SLCO2A1: variants seen among roughly 807,000 people sequenced by gnomAD.
SLCO2A1 encodes solute carrier organic anion transporter family member 2A1, also known as matrin F/G 1.
A neutral mutation model predicts 71.7 loss-of-function variants in SLCO2A1; 60 were observed. That is an observed-to-expected ratio of 0.84 (90% CI 0.68 to 1.04). The LOEUF is 1.04. Ranked by LOEUF, SLCO2A1 falls within the 50% of genes least tolerant of loss-of-function variation. The probability of loss-of-function intolerance (pLI) is 0.00; values close to 1 mark genes in which losing one functional copy is unlikely to be tolerated. For missense variants in SLCO2A1, 745 were observed against 813.4 expected, an observed-to-expected ratio of 0.92 and a Z score of 1.02; for synonymous variants, 308 against 326.7, an observed-to-expected ratio of 0.94 and a Z score of 0.62.
In SLCO2A1 at chr3:133,973,616, G is replaced by A. The variant is rs769647158; in HGVS notation, c.397+47C>T. On this transcript the variant is annotated intron_variant, in intron 3 of 13. Transcript: ENST00000310926. Reference sequence around the variant, plus strand: ...AGTATCCCCACTAACTTTGTGAGATGTTCACCCATTCCTTACCCCTTGAGG... The same window carrying A: ...AGTATCCCCACTAACTTTGTGAGATATTCACCCATTCCTTACCCCTTGAGG... 1.9e-6 allele frequency: 3 copies of A among 1,599,598 alleles called. No homozygotes were observed. In the East Asian group the frequency reaches 6.7e-5, roughly 36 times the overall value.
At chr3:134,012,341 C>T (rs1935362026) in intron 1 of SLCO2A1, among the ~76,000 whole-genome samples, 1 of 152,154 alleles carries the variant, frequency 6.6e-6, no homozygotes, top group Non-Finnish European at 1.5e-5. Flanking sequence ...GGGGAACACA[C>T]ATGGAAGGGC....
rs562033071 is a variant in SLCO2A1 at position 133,996,960 on chromosome 3, G to A, written c.97-17342C>T. ...CTCTGTCCTATGGGATACTTCCAGA[G>A]AAAGTCCTCCCTAAGTGCTAAGCTC... On this transcript the variant is annotated intron_variant, in intron 1 of 13. Coordinates refer to ENST00000310926, the MANE Select transcript of SLCO2A1 (RefSeq NM_005630.3). 2.1e-4 allele frequency among the ~76,000 whole-genome samples: 32 copies of A among 152,288 alleles called. No individual in the cohort carries two copies. In the South Asian group the frequency reaches 6.6e-3, roughly 32 times the overall value.
intron 3 of SLCO2A1, among the ~76,000 whole-genome samples, chr3:133,958,084 G>A (rs1933938630): frequency 6.6e-6 from 1 of 152,168 alleles, no homozygotes; most frequent in Admixed American, 6.5e-5. Context: ...GGGGCTGTCT[G>A]GCCCACCCTC....
In SLCO2A1 at chr3:133,948,644, G is replaced by A; in HGVS notation, c.997C>T (p.Leu333=). ...LMNSLFVLVV[L]AQCTFSSVIA... ...ACGGAGGAGAAGGTGCACTGGGCCA[G>A]GACCACCAGGACGAAGAGTGAGTTC... Residue 333 remains leucine, a synonymous_variant, in exon 8 of 14, where the codon CTG becomes TTG. Transcript: ENST00000310926. 6.2e-7 allele frequency: 1 copy of A among 1,614,124 alleles called. No homozygotes were observed. The highest frequency in any genetic ancestry group is 1.3e-5 in the African/African-American group (1 of 75,030).
intron 3 of SLCO2A1, among the ~76,000 whole-genome samples, chr3:133,956,869 A>G (rs965902478): frequency 1.3e-5 from 2 of 152,202 alleles, no homozygotes; most frequent in East Asian, 3.9e-4. Context: ...CTGGAAGATG[A>G]TGGCTCTCTC....
intron 1 of SLCO2A1, among the ~76,000 whole-genome samples, chr3:133,985,616 C>T (rs140951121): frequency 1.9e-3 from 284 of 152,222 alleles, no homozygotes; most frequent in African/African-American, 6.3e-3. Flanking sequence ...TTACATCATG[C>T]GTTTGATTTC....
intron 1 of SLCO2A1, among the ~76,000 whole-genome samples, chr3:133,996,735 G>A (rs1934974835): frequency 6.6e-6 from 1 of 152,134 alleles, no homozygotes; most frequent in South Asian, 2.1e-4. Flanking sequence ...GCAGCCCCCT[G>A]AAAACTGCGT....
At chr3:134,006,106 G>A (rs1935209421) in intron 1 of SLCO2A1, among the ~76,000 whole-genome samples, 1 of 152,128 alleles carries the variant, frequency 6.6e-6, no homozygotes. Flanking sequence ...GCCTGGGCTG[G>A]AGTGCAGTGG....
intron 1 of SLCO2A1, among the ~76,000 whole-genome samples, chr3:134,028,883 T>C (rs541916538): frequency 1.1e-4 from 17 of 152,370 alleles, no homozygotes; most frequent in African/African-American, 4.1e-4. Context: ...CAGGTCCTCC[T>C]GGACCTGTGA....
chr3:133,963,858 T>A (rs930506187), intron 3 of SLCO2A1, among the ~76,000 whole-genome samples: 1 of 151,430 alleles, frequency 6.6e-6, no homozygotes, highest in African/African-American at 2.5e-5. Flanking sequence ...ACTCTACAGT[T>A]CCTCCTGAAA....
chr3:134,012,938 C>A (rs571957060), intron 1 of SLCO2A1, among the ~76,000 whole-genome samples: 1 of 152,306 alleles, frequency 6.6e-6, no homozygotes, highest in South Asian at 2.1e-4. Flanking sequence ...TTCCAATTTG[C>A]CCACAACTTT....
At chr3:133,999,425 A>AAGTAT (rs1020739098) in intron 1 of SLCO2A1, among the ~76,000 whole-genome samples, 2 of 152,214 alleles carry the variant, frequency 1.3e-5, no homozygotes, top group African/African-American at 4.8e-5. Context: ...TATGGTAAGC[A>AAGTAT]AGTATTTATT....
intron 3 of SLCO2A1, among the ~76,000 whole-genome samples, chr3:133,965,714 T>C (rs1328163162): frequency 6.6e-6 from 1 of 152,152 alleles, no homozygotes; most frequent in Admixed American, 6.5e-5. Flanking sequence ...CAGATTCAGA[T>C]GTGAGCCTCC....
chr3:133,979,160 C>T (rs1193201546), intron 2 of SLCO2A1, among the ~76,000 whole-genome samples: 1 of 152,234 alleles, frequency 6.6e-6, no homozygotes, highest in Non-Finnish European at 1.5e-5. Context: ...CTGGAGCAAG[C>T]CACTTGTACT....
At chr3:134,024,322 G>A (rs1295800101) in intron 1 of SLCO2A1, among the ~76,000 whole-genome samples, 2 of 152,206 alleles carry the variant, frequency 1.3e-5, no homozygotes, top group Non-Finnish European at 2.9e-5. Context: ...GTCCCATGAC[G>A]AATACCATAT....
chr3:133,945,625 G>A (rs561334203), intron 9 of SLCO2A1, among the ~76,000 whole-genome samples: 2 of 152,196 alleles, frequency 1.3e-5, no homozygotes, highest in South Asian at 2.1e-4. Flanking sequence ...TTCTTCAGCC[G>A]AAAAACAGTG....
intron 2 of SLCO2A1, among the ~76,000 whole-genome samples, chr3:133,974,071 C>A (rs1010949602): frequency 2.0e-5 from 3 of 152,182 alleles, no homozygotes; most frequent in African/African-American, 7.2e-5. Context: ...CTAGACCAGA[C>A]CAAAGGAAGT....
intron 1 of SLCO2A1, among the ~76,000 whole-genome samples, chr3:133,987,571 T>C (rs995999582): frequency 6.6e-6 from 1 of 152,156 alleles, no homozygotes; most frequent in Non-Finnish European, 1.5e-5. Context: ...CTTAAATGTA[T>C]TTGATTGAAG....
intron 2 of SLCO2A1, among the ~76,000 whole-genome samples, chr3:133,978,862 C>T (rs1480232747): frequency 6.6e-6 from 1 of 152,218 alleles, no homozygotes; most frequent in Non-Finnish European, 1.5e-5. Flanking sequence ...TCTGGCTTCT[C>T]GGCCCATCTT....
Sources: gnomAD v4.1 joint callset for allele counts (sites outside exome capture counted in the v4.1 genomes callset) on GRCh38, gnomAD v4.1.1 for gene constraint, MANE v1.5 for transcripts, NCBI Gene and HGNC (gene_info 2026-07-23, HGNC 2026-07-21) for gene names.